Variants in TAGAP observed in about 807,000 individuals in gnomAD.
TAGAP encodes T-cell activation Rho GTPase-activating protein.
In TAGAP, 16 loss-of-function variants were observed where a neutral mutation model predicts 36.0. That is an observed-to-expected ratio of 0.44 (90% confidence interval 0.30 to 0.68). The LOEUF is 0.68. TAGAP is among the 30% of genes least tolerant of loss of function. The pLI is 0.09. For missense variants in TAGAP, 794 were observed against 921.5 expected, an observed-to-expected ratio of 0.86 and a Z score of 1.79; for synonymous variants, 372 against 377.4, an observed-to-expected ratio of 0.99 and a Z score of 0.17.
rs1779769596 is a variant in TAGAP at position 159,041,985 on chromosome 6, CA to C, written c.315+92del. ...GGAAAATATGGAAGATCAGTCCCTA[CA>C]AACTTAATAGGAGAATGACATTCAG... is the stretch of plus-strand genomic sequence containing the variant. On this transcript the variant is annotated intron_variant, in intron 5 of 9. Transcript: ENST00000367066. This position sits in a 1 kb window ranked among gnomAD's most constrained non-coding sequence, Gnocchi z 4.1. The C allele has an allele frequency of 2.1e-6, 3 of 1,411,306 alleles. No homozygotes were observed. The highest frequency in any genetic ancestry group is 1.9e-6 in the Non-Finnish European group (2 of 1,029,138). The allele number at this position is 1,411,306 out of a possible 1,614,324, so 87.4% of individuals were successfully genotyped here.
intron 8 of TAGAP, 96 bp downstream of exon 8, chr6:159,039,018 C>T (rs2114789703): frequency 1.3e-6 from 2 of 1,593,474 alleles, no homozygotes; most frequent in East Asian, 2.3e-5. Flanking sequence ...GATTCTGAGT[C>T]AGTTGGAGAC....
At position 159,036,408 on chromosome 6, in the gene TAGAP, C is replaced by T. The variant is rs777519361; in HGVS notation, c.1615G>A (p.Val539Ile). The T allele has an allele frequency of 2.5e-6, 4 of 1,614,152 alleles. No individual in the cohort carries two copies. In the South Asian group the frequency reaches 3.3e-5, roughly 13 times the overall value. Residue 539 changes from valine (V) to isoleucine (I), a missense_variant, in exon 10 of 10, where the codon GTC (valine) becomes ATC (isoleucine). Val to Ile is a conservative substitution (Grantham distance 29). Coordinates refer to ENST00000367066, the MANE Select transcript of TAGAP (RefSeq NM_054114.5). This position sits in a 1 kb window ranked among gnomAD's most constrained non-coding sequence, Gnocchi z 4.9. Reference protein sequence around the residue: ...GKSQDFTRDHVPRGVRKESQL... With the variant: ...GKSQDFTRDHIPRGVRKESQL... Reference sequence around the variant, plus strand: ...CTTTCCTTTCTGACACCCCTCGGGACGTGGTCCCTGGTAAAGTCTTGCGAT... The same window carrying T: ...CTTTCCTTTCTGACACCCCTCGGGATGTGGTCCCTGGTAAAGTCTTGCGAT...
rs1293184551 is a variant in TAGAP at position 159,037,070 on chromosome 6, T to A, written c.953A>T (p.Glu318Val). ...SAYDSNDPDV[E>V]SNSSSGISSP... Reference sequence around the variant, plus strand: ...GCTGATGCCACTGCTGCTGTTGGATTCCACATCAGGGTCGTTGCTGTCGTA... The same window carrying A: ...GCTGATGCCACTGCTGCTGTTGGATACCACATCAGGGTCGTTGCTGTCGTA... The change falls in exon 10 of 10, where the codon GAA (glutamate) becomes GTA (valine). Residue 318 changes from glutamate to valine, a missense_variant. Glu to Val is a moderately radical substitution (Grantham distance 121). Coordinates refer to ENST00000367066, the MANE Select transcript of TAGAP (RefSeq NM_054114.5). This position sits in a 1 kb window ranked among gnomAD's most constrained non-coding sequence, Gnocchi z 5.1. 2 of 1,612,850 alleles carry A rather than the reference T, an allele frequency of 1.2e-6. No individual in the cohort carries two copies. Among genetic ancestry groups the A allele is most frequent in the Non-Finnish European group, 1.7e-6 (2 of 1,180,034 alleles).
At position 159,036,276 on chromosome 6, in the gene TAGAP, G is replaced by T. The variant is rs567097355; in HGVS notation, c.1747C>A (p.Gln583Lys). Residue 583 changes from glutamine to lysine, a missense_variant, in exon 10 of 10, where the codon CAG (glutamine) becomes AAG (lysine). By Grantham distance (53) the Gln-to-Lys change is moderately conservative (BLOSUM62 1). Coordinates refer to ENST00000367066, the MANE Select transcript of TAGAP (RefSeq NM_054114.5). This position sits in a 1 kb window ranked among gnomAD's most constrained non-coding sequence, Gnocchi z 4.9. ...CCAGGCCTCTCCCAGTCAGCTCCCT[G>T]GAACACATCATCCACCGAGAGGGCG... is the stretch of plus-strand genomic sequence containing the variant. Reference protein sequence around the residue: ...PHALSVDDVFQGADWERPGSP... With the variant: ...PHALSVDDVFKGADWERPGSP... 5.0e-6 allele frequency: 8 copies of T among 1,612,240 alleles called. No homozygotes were observed. The South Asian group carries it at 8.8e-5, about 18-fold the overall frequency.
At chr6:159,040,870 G>C (rs747847462) in intron 6 of TAGAP, 38 bp from the exon 7 acceptor site, 8 of 1,495,252 alleles carry the variant, frequency 5.4e-6, no homozygotes, top group Non-Finnish European at 7.5e-6. Context: ...TATTGGTACT[G>C]TATGATGTCC....
At position 159,043,453 on chromosome 6, in the gene TAGAP, G is replaced by GT. The variant is rs1337096331; in HGVS notation, c.148+135dup. 5 of 765,360 alleles carry GT rather than the reference G, an allele frequency of 6.5e-6. No individual in the cohort carries two copies. The African/African-American group carries it at 8.7e-5, about 13-fold the overall frequency. 47.4% of individuals were successfully genotyped at this position (765,360 alleles called of 1,614,324 possible). On this transcript the variant is annotated intron_variant, in intron 4 of 9. Coordinates refer to ENST00000367066, the MANE Select transcript of TAGAP (RefSeq NM_054114.5). ...GTTGGAGCATACCTGCCATTTAAGGGTTAATGTTCTGCGGTCTTTAACAGA... is the reference window on the plus strand; with the variant it reads ...GTTGGAGCATACCTGCCATTTAAGGGTTTAATGTTCTGCGGTCTTTAACAGA...
At chr6:159,044,821 C>A in intron 1 of TAGAP, 58 bp downstream of exon 1, 1 of 397,760 alleles carries the variant, frequency 2.5e-6, no homozygotes, top group Non-Finnish European at 4.4e-6. Flanking sequence ...ATCTGAGTGA[C>A]CTGTGACTTG....
In TAGAP at chr6:159,041,491, T is replaced by C. The variant is rs573417625; in HGVS notation, c.340A>G (p.Lys114Glu). 4 of 1,614,158 alleles carry C rather than the reference T, an allele frequency of 2.5e-6. No individual in the cohort carries two copies. The African/African-American group carries it at 5.3e-5, about 22-fold the overall frequency. The change falls in exon 6 of 10, where the codon AAA becomes GAA. Residue 114 changes from lysine (K) to glutamate (E), a missense_variant. Coordinates refer to ENST00000367066, the MANE Select transcript of TAGAP (RefSeq NM_054114.5). This position sits in a 1 kb window ranked among gnomAD's most constrained non-coding sequence, Gnocchi z 4.1. Reference protein sequence around the residue: ...IQDILTILCLKGPSTEGIFRR... With the variant: ...IQDILTILCLEGPSTEGIFRR... Reference sequence around the variant, plus strand: ...AATATCCCTTCCGTTGAAGGGCCTTTAAGGCATAGAATAGTGAGAATGTCC... The same window carrying C: ...AATATCCCTTCCGTTGAAGGGCCTTCAAGGCATAGAATAGTGAGAATGTCC...
In TAGAP at chr6:159,041,232, AAATT is replaced by A; in HGVS notation, c.477+118_477+121del. 7.9e-7 allele frequency: 1 copy of A among 1,265,702 alleles called. No homozygotes were observed. The highest frequency in any genetic ancestry group is 1.1e-6 in the Non-Finnish European group (1 of 916,190). 78.4% of individuals were successfully genotyped at this position (1,265,702 alleles called of 1,614,324 possible). A position where few individuals can be genotyped will look rare whatever the true frequency, so the allele number is the denominator to read the frequency against. The stretch of plus-strand genomic sequence containing the variant: ...AAATAAATAAAGGGCTTAATGAAAA[AAATT>A]AAACTCCAAGATCAGTGTACCTTGC... On this transcript the variant is annotated intron_variant, in intron 6 of 9. Coordinates refer to ENST00000367066, the MANE Select transcript of TAGAP (RefSeq NM_054114.5). This position sits in a 1 kb window ranked among gnomAD's most constrained non-coding sequence, Gnocchi z 4.1.
Position 159,041,179 on chromosome 6 carries a change from G to C in TAGAP, c.477+175C>G, listed in dbSNP as rs557487980. ...GCATCACTTTCTGTTGGAATCTGAGGTCACAGAAACAGAGGTGCTTACTAA... is the reference window on the plus strand; with the variant it reads ...GCATCACTTTCTGTTGGAATCTGAGCTCACAGAAACAGAGGTGCTTACTAA... On this transcript the variant is annotated intron_variant, in intron 6 of 9. Transcript: ENST00000367066. This position sits in a 1 kb window ranked among gnomAD's most constrained non-coding sequence, Gnocchi z 4.1. 34 of 797,780 alleles carry C rather than the reference G, an allele frequency of 4.3e-5. No individual in the cohort carries two copies. The East Asian group carries it at 9.4e-4, about 22-fold the overall frequency. 49.4% of individuals were successfully genotyped at this position (797,780 alleles called of 1,614,324 possible).
rs1406208793 is a variant in TAGAP at position 159,041,281 on chromosome 6, A to G, written c.477+73T>C. 6.4e-6 allele frequency: 10 copies of G among 1,564,330 alleles called. No individual in the cohort carries two copies. The highest frequency in any genetic ancestry group is 8.7e-6 in the Non-Finnish European group (10 of 1,152,316). ...CCTTGCTGTGTGGGGAGAAGAGCCT[A>G]TTTCTTGCATCCTGAGAATGAGTGT... On this transcript the variant is annotated intron_variant, in intron 6 of 9. Transcript: ENST00000367066. This position sits in a 1 kb window ranked among gnomAD's most constrained non-coding sequence, Gnocchi z 4.1.
At position 159,036,439 on chromosome 6, in the gene TAGAP, A is replaced by G. The variant is rs1779538600; in HGVS notation, c.1584T>C (p.Ser528=). Reference sequence around the variant, plus strand: ...CCCTGGTAAAGTCTTGCGATTTCCCAGAGCCCGCGCTGAGGTTTTTGGTCA... The same window carrying G: ...CCCTGGTAAAGTCTTGCGATTTCCCGGAGCCCGCGCTGAGGTTTTTGGTCA... ...KVLTKNLSAG[S]GKSQDFTRDH... Residue 528 remains serine, a synonymous_variant, in exon 10 of 10, where the codon TCT becomes TCC. Coordinates refer to ENST00000367066, the MANE Select transcript of TAGAP (RefSeq NM_054114.5). The surrounding 1 kb of genome is among the most constrained non-coding windows in gnomAD (Gnocchi z 4.9). The G allele has an allele frequency of 6.2e-7, 1 of 1,614,178 alleles. No individual in the cohort carries two copies. Among genetic ancestry groups the G allele is most frequent in the Admixed American group, 1.7e-5 (1 of 60,018 alleles).
chr6:159,041,076 C>G lies in TAGAP; in HGVS notation c.478-244G>C, dbSNP rs983179144. 2 of 583,144 alleles carry G rather than the reference C, an allele frequency of 3.4e-6. No homozygotes were observed. Among genetic ancestry groups the G allele is most frequent in the Middle Eastern group, 9.1e-4 (2 of 2,186 alleles). 36.1% of individuals were successfully genotyped at this position (583,144 alleles called of 1,614,324 possible). A position where few individuals can be genotyped will look rare whatever the true frequency, so the allele number is the denominator to read the frequency against. ...CCCAGGTGGGTGTGTTCTGAGGGGC[C>G]ACTGGATTTTGACGTATGGATTCTG... is the stretch of plus-strand genomic sequence containing the variant. On this transcript the variant is annotated intron_variant, in intron 6 of 9. Transcript: ENST00000367066. The surrounding 1 kb of genome is among the most constrained non-coding windows in gnomAD (Gnocchi z 4.1).
Position 159,035,813 on chromosome 6 carries a change from G to A in TAGAP, c.*14C>T, listed in dbSNP as rs142272168. ...CAGATAGCACAAGCTATGGCATGGC[G>A]TATGGCCTCCCTCCTAAATATACGA... is the stretch of plus-strand genomic sequence containing the variant. On this transcript the variant is annotated 3_prime_UTR_variant, in exon 10 of 10. Transcript: ENST00000367066. The A allele has an allele frequency of 6.6e-5, 104 of 1,578,306 alleles. No homozygotes were observed. Among genetic ancestry groups the A allele is most frequent in the Middle Eastern group, 5.1e-4 (3 of 5,914 alleles).
chr6:159,043,701 T>G, intron 3 of TAGAP, 46 bp from the exon 4 acceptor site: 2 of 1,561,248 alleles, frequency 1.3e-6, no homozygotes, highest in Non-Finnish European at 1.8e-6. Context: ...TGAAGAAACC[T>G]ATCGAGTCTT....
rs1779768844 is a variant in TAGAP, at chr6:159,041,964, A to G, written c.315+114T>C. On this transcript the variant is annotated intron_variant, in intron 5 of 9. Transcript: ENST00000367066. The surrounding 1 kb of genome is among the most constrained non-coding windows in gnomAD (Gnocchi z 4.1). ...GGGAGTGCCATGTTGAAGAGTGGAA[A>G]ATATGGAAGATCAGTCCCTACAAAC... The G allele has an allele frequency of 8.3e-7, 1 of 1,208,440 alleles. No homozygotes were observed. The highest frequency in any genetic ancestry group is 1.2e-6 in the Non-Finnish European group (1 of 855,204). 74.9% of individuals were successfully genotyped at this position (1,208,440 alleles called of 1,614,324 possible).
chr6:159,036,142 C>G lies in TAGAP; in HGVS notation c.1881G>C (p.Met627Ile), dbSNP rs908964894. The change falls in exon 10 of 10, where the codon ATG becomes ATC. Residue 627 changes from methionine (M) to isoleucine (I), a missense_variant. Physicochemically the swap from Met to Ile is conservative, Grantham distance 10. Coordinates refer to ENST00000367066, the MANE Select transcript of TAGAP (RefSeq NM_054114.5). The surrounding 1 kb of genome is among the most constrained non-coding windows in gnomAD (Gnocchi z 4.9). ...SMTVGSMRARMLEAHCLLPPL... is the reference protein window; with the variant it reads ...SMTVGSMRARILEAHCLLPPL... ...GGGGTAGGAGGCAGTGCGCCTCCAG[C>G]ATCCTCGCCCTCATGCTCCCCACCG... 3 of 1,613,300 alleles carry G rather than the reference C, an allele frequency of 1.9e-6. No homozygotes were observed. In the African/African-American group the frequency reaches 4.0e-5, roughly 22 times the overall value.
rs1779498356 is a variant in TAGAP at position 159,035,569 on chromosome 6, G to C, written c.*258C>G. 2.9e-6 allele frequency: 1 copy of C among 346,752 alleles called. No homozygotes were observed. The highest frequency in any genetic ancestry group is 4.2e-5 in the Admixed American group (1 of 23,570). 21.5% of individuals were successfully genotyped at this position (346,752 alleles called of 1,614,324 possible). Reference sequence around the variant, plus strand: ...TCACTGCAAGTTCAAAACGTGTGCAGGGATTATTAGACATCCTTTGCACCT... The same window carrying C: ...TCACTGCAAGTTCAAAACGTGTGCACGGATTATTAGACATCCTTTGCACCT... On this transcript the variant is annotated 3_prime_UTR_variant, in exon 10 of 10. Coordinates refer to ENST00000367066, the MANE Select transcript of TAGAP (RefSeq NM_054114.5).
chr6:159,041,409 C>G lies in TAGAP; in HGVS notation c.422G>C (p.Gly141Ala), dbSNP rs770816984. Reference sequence around the variant, plus strand: ...GAGCCTCTCCAGATCCACCGCATCCCCAGAGTTGAGCTCCTCCTTCAGCTC... The same window carrying G: ...GAGCCTCTCCAGATCCACCGCATCCGCAGAGTTGAGCTCCTCCTTCAGCTC... ...RKELKEELNS[G>A]DAVDLERLPV... is the part of the protein sequence containing the mutation. The change falls in exon 6 of 10, where the codon GGG (glycine) becomes GCG (alanine). Residue 141 changes from glycine (G) to alanine (A), a missense_variant. Physicochemically the swap from Gly to Ala is moderately conservative, Grantham distance 60. Transcript: ENST00000367066. This position sits in a 1 kb window ranked among gnomAD's most constrained non-coding sequence, Gnocchi z 4.1. 5 of 1,614,042 alleles carry G rather than the reference C, an allele frequency of 3.1e-6. No individual in the cohort carries two copies. In the East Asian group the frequency reaches 6.7e-5, roughly 22 times the overall value.
Sources: allele counts gnomAD v4.1 joint callset, GRCh38; gene constraint gnomAD v4.1.1; non-coding constraint Gnocchi (gnomAD v3.1); transcripts MANE v1.5; gene names NCBI Gene and HGNC (gene_info 2026-07-23, HGNC 2026-07-21).